PBX1: variants seen among roughly 807,000 people sequenced by gnomAD.
The protein encoded by PBX1 is PBX homeobox 1.
A neutral mutation model predicts 53.4 loss-of-function variants in PBX1; 6 were observed. The ratio of observed to expected loss-of-function variants is 0.11; its 90% CI spans 0.06 to 0.22. PBX1 has a LOEUF of 0.22. PBX1 is among the 10% of genes least tolerant of loss of function. PBX1 has a pLI of 1.00. For missense variants in PBX1, 251 were observed against 551.4 expected, an observed-to-expected ratio of 0.46 and a Z score of 5.46; for synonymous variants, 204 against 212.3, an observed-to-expected ratio of 0.96 and a Z score of 0.34.
intron 2 of PBX1, among the ~76,000 whole-genome samples, chr1:164,586,228 G>C (rs1654944445): frequency 6.6e-6 from 1 of 152,184 alleles, no homozygotes; most frequent in African/African-American, 2.4e-5. Context: ...AGAGCAAAGG[G>C]GTGTGTACTA....
chr1:164,774,982 C>G (rs1282511913), intron 2 of PBX1, among the ~76,000 whole-genome samples: 1 of 152,180 alleles, frequency 6.6e-6, no homozygotes, highest in African/African-American at 2.4e-5. Flanking sequence ...AAGCTGATTA[C>G]TGTCTGGTGT....
intron 2 of PBX1, among the ~76,000 whole-genome samples, chr1:164,861,724 C>G (rs73030710): frequency 4.6e-5 from 7 of 152,152 alleles, no homozygotes; most frequent in African/African-American, 1.7e-4. Flanking sequence ...TAGGGTGGTC[C>G]AGAGGATTGA....
chr1:164,590,050 GTAA>G (rs1422385161), intron 2 of PBX1, among the ~76,000 whole-genome samples: 1 of 149,114 alleles, frequency 6.7e-6, no homozygotes, highest in East Asian at 1.9e-4. Context: ...TCTACAAATA[GTAA>G]TAATAATAAG....
intron 2 of PBX1, among the ~76,000 whole-genome samples, chr1:164,725,651 T>C (rs1425029502): frequency 6.6e-6 from 1 of 152,148 alleles, no homozygotes; most frequent in Non-Finnish European, 1.5e-5. Flanking sequence ...ATTGCATGTC[T>C]AACATTCTCA....
At chr1:164,744,890 G>C (rs1032822938) in intron 2 of PBX1, among the ~76,000 whole-genome samples, 1 of 151,986 alleles carries the variant, frequency 6.6e-6, no homozygotes, top group Non-Finnish European at 1.5e-5. Flanking sequence ...GGGGGTGGTG[G>C]TGGGTGGGAA....
chr1:164,653,303 T>G (rs892734501), intron 2 of PBX1, among the ~76,000 whole-genome samples: 3 of 152,188 alleles, frequency 2.0e-5, no homozygotes, highest in African/African-American at 7.2e-5. Flanking sequence ...TCGAGTGGTA[T>G]TCTATTATGT....
At chr1:164,755,498 T>G (rs1050874752) in intron 2 of PBX1, among the ~76,000 whole-genome samples, 1 of 152,206 alleles carries the variant, frequency 6.6e-6, no homozygotes, top group African/African-American at 2.4e-5. Context: ...CATAATTCTG[T>G]TGTTGTTTTA....
At chr1:164,793,299 G>A (rs1320903755) in intron 3 of PBX1, among the ~76,000 whole-genome samples, 1 of 152,090 alleles carries the variant, frequency 6.6e-6, no homozygotes, top group Non-Finnish European at 1.5e-5. Flanking sequence ...ATAATATATG[G>A]TATGGAATAT....
At chr1:164,839,944 A>C (rs1380828571) in intron 8 of PBX1, among the ~76,000 whole-genome samples, 1 of 151,912 alleles carries the variant, frequency 6.6e-6, no homozygotes, top group East Asian at 1.9e-4. Flanking sequence ...AGGACTATGG[A>C]AACAGGAATC....
intron 2 of PBX1, among the ~76,000 whole-genome samples, chr1:164,772,115 C>A (rs558053779): frequency 1.3e-5 from 2 of 152,338 alleles, no homozygotes; most frequent in East Asian, 3.9e-4. Context: ...GCTGCAAAAT[C>A]CATTTTAGCT....
At chr1:164,803,223 C>T (rs1669174791) in intron 4 of PBX1, among the ~76,000 whole-genome samples, 1 of 152,122 alleles carries the variant, frequency 6.6e-6, no homozygotes, top group African/African-American at 2.4e-5. Flanking sequence ...GTGGGTCCTA[C>T]CTTCAAAGAG....
chr1:164,575,948 T>A (rs371808704), intron 2 of PBX1, among the ~76,000 whole-genome samples: 32 of 151,750 alleles, frequency 2.1e-4, no homozygotes, highest in African/African-American at 7.5e-4. Flanking sequence ...GTGTGAGGAA[T>A]AAATTAAAGC....
chr1:164,753,700 T>C (rs1421572650), intron 2 of PBX1, among the ~76,000 whole-genome samples: 2 of 152,202 alleles, frequency 1.3e-5, no homozygotes, highest in African/African-American at 2.4e-5. Context: ...CCAGGGCCAC[T>C]GTGGCTAGCT....
chr1:164,874,484 T>C (rs1672458216), intron 2 of PBX1, among the ~76,000 whole-genome samples: 1 of 152,180 alleles, frequency 6.6e-6, no homozygotes, highest in Non-Finnish European at 1.5e-5. Flanking sequence ...TTTGTTCGTT[T>C]GTTTCTTTCT....
intron 8 of PBX1, among the ~76,000 whole-genome samples, chr1:164,845,016 T>C (rs12138814): frequency 0.049 from 7,448 of 152,160 alleles, 212 homozygotes; most frequent in East Asian, 0.073. Flanking sequence ...TGACCCAAGA[T>C]TGGGGAGCGG....
chr1:164,632,685 A>G (rs1571110546), intron 2 of PBX1, among the ~76,000 whole-genome samples: 2 of 152,088 alleles, frequency 1.3e-5, no homozygotes, highest in South Asian at 2.1e-4. Context: ...GCACACTTAT[A>G]TCTAGGCTTT....
At chr1:164,693,164 C>A (rs553410485) in intron 2 of PBX1, among the ~76,000 whole-genome samples, 1 of 152,328 alleles carries the variant, frequency 6.6e-6, no homozygotes, top group South Asian at 2.1e-4. Context: ...AAACTACAAG[C>A]AACAGCAGAG....
At chr1:164,620,305 C>T (rs558360609) in intron 2 of PBX1, among the ~76,000 whole-genome samples, 5 of 152,248 alleles carry the variant, frequency 3.3e-5, no homozygotes, top group Admixed American at 2.0e-4. Flanking sequence ...TTTACTTATT[C>T]AAGCAGATTT....
chr1:164,882,600 A>G lies in PBX1; in HGVS notation n.258-16588A>G, dbSNP rs115348435. On this transcript the variant is annotated intron_variant and non_coding_transcript_variant, in intron 2 of 2. Coordinates refer to the PBX1 transcript ENST00000558796. ...GCATATTTTTTTACTTTAATATTCT[A>G]TATTCTTTTTAAAAAATAAAATAGA... Among the ~76,000 whole-genome samples the G allele has an allele frequency of 4.5e-3, 678 of 152,218 alleles. 2 individuals carry two copies. Among genetic ancestry groups the G allele is most frequent in the African/African-American group, 0.015 (622 of 41,530 alleles).
Sources: gnomAD v4.1 joint callset for allele counts (sites outside exome capture counted in the v4.1 genomes callset) on GRCh38, gnomAD v4.1.1 for gene constraint, MANE v1.5 for transcripts, NCBI Gene and HGNC (gene_info 2026-07-23, HGNC 2026-07-21) for gene names.